The following FANCM variants were observed in gnomAD, a reference collection of about 807,000 sequenced individuals.
FANCM encodes the protein Fanconi anemia group M protein.
A neutral mutation model predicts 199.5 loss-of-function variants in FANCM; 140 were observed. The observed-to-expected ratio is 0.70, with a 90% CI of 0.61 to 0.81. FANCM has a LOEUF of 0.81. FANCM is among the 30% of genes least tolerant of loss of function. The pLI, the probability that FANCM is intolerant of heterozygous loss-of-function variation, is 0.00. For synonymous variants in FANCM, 840 were observed against 836.8 expected (o/e 1.00, Z -0.07); for missense variants, 2,410 against 2,421.4 (o/e 1.00, Z 0.10).
In FANCM at chr14:45,136,293, A is replaced by G. The variant is rs1286181642; in HGVS notation, c.262A>G (p.Asn88Asp). The G allele has an allele frequency of 1.2e-6, 2 of 1,613,864 alleles. No individual in the cohort carries two copies. Among genetic ancestry groups the G allele is most frequent in the Non-Finnish European group, 8.5e-7 (1 of 1,180,014 alleles). Residue 88 changes from asparagine to aspartate, a missense_variant, in exon 1 of 23, where the codon AAT becomes GAT. Transcript: ENST00000267430. ...GGGCGCCCTGTGGATTTACCCTACC[A>G]ATTGCCCAGTGCGGGACTACCAGCT... is the stretch of plus-strand genomic sequence containing the variant. ...SAGALWIYPT[N>D]CPVRDYQLHI...
chr14:45,173,953 C>T (rs767724597), intron 13 of FANCM, among the ~76,000 whole-genome samples: 3 of 152,086 alleles, frequency 2.0e-5, no homozygotes, highest in Non-Finnish European at 2.9e-5. Context: ...TTATTGAGTG[C>T]CTTCTGTGTG....
At chr14:45,151,337 G>A in intron 4 of FANCM, 60 bp from the exon 5 acceptor site, 1 of 1,377,098 alleles carries the variant, frequency 7.3e-7, no homozygotes, top group Non-Finnish European at 1.0e-6. Context: ...GTGAGAAAAT[G>A]ATTGTACTTG....
rs1776603301 is a variant in FANCM, at chr14:45,159,134, G to A, written c.1435G>A (p.Val479Ile). 6.2e-7 allele frequency: 1 copy of A among 1,612,636 alleles called. No homozygotes were observed. The highest frequency in any genetic ancestry group is 8.5e-7 in the Non-Finnish European group (1 of 1,178,888). ...TTEKKRDETR[V>I]MIFSSFRDSV... The stretch of plus-strand genomic sequence containing the variant: ...TGAAAAGAAACGTGATGAGACCCGA[G>A]TTATGATCTTCTCTTCATTTCGAGA... The change falls in exon 9 of 23, where the codon GTT becomes ATT. Residue 479 changes from valine (V) to isoleucine (I), a missense_variant. Transcript: ENST00000267430.
At chr14:45,198,058 G>A (rs2139326021) in intron 21 of FANCM, among the ~76,000 whole-genome samples, 1 of 152,160 alleles carries the variant, frequency 6.6e-6, no homozygotes, top group Non-Finnish European at 1.5e-5. Context: ...TGAGCCACCA[G>A]CCTTCTTTTT....
At chr14:45,185,840 G>A (rs962785607) in intron 18 of FANCM, among the ~76,000 whole-genome samples, 7 of 152,076 alleles carry the variant, frequency 4.6e-5, no homozygotes, top group African/African-American at 1.2e-4. Context: ...AGAAAAATTT[G>A]GAGTAACTGG....
chr14:45,166,985 A>G lies in FANCM; in HGVS notation c.1824A>G (p.Ile608Met). 6.3e-7 allele frequency: 1 copy of G among 1,599,182 alleles called. No individual in the cohort carries two copies. Among genetic ancestry groups the G allele is most frequent in the South Asian group, 1.1e-5 (1 of 90,792 alleles). ...AGAGTCAGTCCAACAAAAGAAGTAT[A>G]TATAAAGCTATTTCAAGTAACAGGC... ...YNQSQSNKRS[I>M]YKAISSNRQV... The change falls in exon 11 of 23, where the codon ATA (isoleucine) becomes ATG (methionine). Residue 608 changes from isoleucine (I) to methionine (M), a missense_variant. Coordinates refer to ENST00000267430, the MANE Select transcript of FANCM (RefSeq NM_020937.4).
chr14:45,160,670 G>A (rs1030887024), intron 9 of FANCM, among the ~76,000 whole-genome samples: 1 of 151,602 alleles, frequency 6.6e-6, no homozygotes, highest in Non-Finnish European at 1.5e-5. Flanking sequence ...TCAGCCTCCC[G>A]AGTAGCTGGG....
rs112326758 is a variant in FANCM, at chr14:45,159,080, TTA to T, written c.1397-3_1397-2del. ...TTGTAAAAAGTTGTAATTAAAGTTT[TTA>T]TATATATATATAGCTGAAAACACTA... is the stretch of plus-strand genomic sequence containing the variant. On this transcript the variant is annotated splice_polypyrimidine_tract_variant and intron_variant, in intron 8 of 22. Coordinates refer to ENST00000267430, the MANE Select transcript of FANCM (RefSeq NM_020937.4). 155,508 of 1,415,016 alleles carry T rather than the reference TTA, an allele frequency of 0.11. 8,448 individuals carry two copies. The highest frequency in any genetic ancestry group is 0.19 in the South Asian group (14,508 of 75,234). The allele number at this position is 1,415,016 out of a possible 1,614,324, so 87.7% of individuals were successfully genotyped here.
rs997324391 is a variant in FANCM, at chr14:45,196,179, G to A, written c.5348G>A (p.Ser1783Asn). ...RKFPVPQKDG[S>N]ALEDSSTSGA... ...TGTTTTCCACTTTTTCAGGATGGTA[G>A]TGCTTTGGAGGATTCTAGCACTTCA... is the stretch of plus-strand genomic sequence containing the variant. The change falls in exon 21 of 23, where the codon AGT becomes AAT. Residue 1783 changes from serine to asparagine, a missense_variant. Physicochemically the swap from Ser to Asn is conservative, Grantham distance 46 (BLOSUM62 1). Transcript: ENST00000267430. The A allele has an allele frequency of 1.2e-6, 2 of 1,614,116 alleles. No individual in the cohort carries two copies. The highest frequency in any genetic ancestry group is 2.7e-5 in the African/African-American group (2 of 75,036).
At chr14:45,151,255 A>G in intron 4 of FANCM, 142 bp from the exon 5 acceptor site, 2 of 670,638 alleles carry the variant, frequency 3.0e-6, no homozygotes, top group Non-Finnish European at 5.1e-6. Flanking sequence ...TTTAAATGTT[A>G]TCATTGCTGA....
At chr14:45,147,232 A>G (rs1353200621) in intron 3 of FANCM, among the ~76,000 whole-genome samples, 2 of 152,106 alleles carry the variant, frequency 1.3e-5, no homozygotes, top group Non-Finnish European at 2.9e-5. Context: ...ATACCAAGAT[A>G]TGATTCTTGC....
intron 16 of FANCM, among the ~76,000 whole-genome samples, chr14:45,183,211 G>A (rs1029717648): frequency 6.6e-6 from 1 of 152,150 alleles, no homozygotes; most frequent in African/African-American, 2.4e-5. Context: ...TGATAATGCT[G>A]ATGATCAATT....
intron 3 of FANCM, among the ~76,000 whole-genome samples, chr14:45,142,089 C>T (rs1022458662): frequency 2.6e-5 from 4 of 152,058 alleles, no homozygotes; most frequent in Non-Finnish European, 4.4e-5. Context: ...TTGGTCCTCT[C>T]CCGTCTTCCC....
chr14:45,140,853 C>T lies in FANCM; in HGVS notation c.759+144C>T, dbSNP rs1300888323. On this transcript the variant is annotated intron_variant, in intron 3 of 22. Coordinates refer to ENST00000267430, the MANE Select transcript of FANCM (RefSeq NM_020937.4). The stretch of plus-strand genomic sequence containing the variant: ...GCCAGGAATTCCAGACCAGCCTGGG[C>T]AACATGGTGAGACCTATCTCTACAA... 4.4e-6 allele frequency: 3 copies of T among 678,210 alleles called. No individual in the cohort carries two copies. The African/African-American group carries it at 5.4e-5, about 12-fold the overall frequency. The allele number at this position is 678,210 out of a possible 1,614,324, so 42.0% of individuals were successfully genotyped here.
rs371888194 is a variant in FANCM at position 45,136,346 on chromosome 14, C to T, written c.315C>T (p.Cys105=). 4 of 1,614,040 alleles carry T rather than the reference C, an allele frequency of 2.5e-6. No individual in the cohort carries two copies. The highest frequency in any genetic ancestry group is 3.4e-6 in the Non-Finnish European group (4 of 1,180,034). ...QLHISRAALF[C]NTLVCLPTGL... ...ACATTTCCCGGGCTGCTCTGTTTTGCAATACGCTGGTGTGTCTGCCTACCG... is the reference window on the plus strand; with the variant it reads ...ACATTTCCCGGGCTGCTCTGTTTTGTAATACGCTGGTGTGTCTGCCTACCG... The change falls in exon 1 of 23, where the codon TGC becomes TGT. Residue 105 remains cysteine, a synonymous_variant. Transcript: ENST00000267430.
chr14:45,143,430 C>G (rs1886122785), intron 3 of FANCM, among the ~76,000 whole-genome samples: 2 of 152,024 alleles, frequency 1.3e-5, no homozygotes, highest in African/African-American at 4.8e-5. Flanking sequence ...ATCCACCTGT[C>G]TCAGCCTCTC....
At chr14:45,161,638 G>A (rs1887615033) in intron 9 of FANCM, among the ~76,000 whole-genome samples, 1 of 152,144 alleles carries the variant, frequency 6.6e-6, no homozygotes, top group African/African-American at 2.4e-5. Flanking sequence ...AATTAGCTGG[G>A]TGTGGTGGCA....
chr14:45,166,095 C>G (rs1321705325), intron 10 of FANCM, among the ~76,000 whole-genome samples: 1 of 150,758 alleles, frequency 6.6e-6, no homozygotes, highest in East Asian at 1.9e-4. Flanking sequence ...CTAAGGTGGG[C>G]TTTTGTAATA....
At chr14:45,195,992 T>C (rs907827437) in intron 20 of FANCM, among the ~76,000 whole-genome samples, 180 bp from the exon 21 acceptor site, 4 of 152,232 alleles carry the variant, frequency 2.6e-5, no homozygotes, top group African/African-American at 4.8e-5. Flanking sequence ...ATTATAGCTT[T>C]AGAATTTTTT....
Sources: allele counts gnomAD v4.1 joint callset (sites outside exome capture counted in the v4.1 genomes callset), GRCh38; gene constraint gnomAD v4.1.1; transcripts MANE v1.5; gene names NCBI Gene and HGNC (gene_info 2026-07-23, HGNC 2026-07-21).